The following TSPAN5 variants were observed in gnomAD, a reference collection of about 807,000 sequenced individuals.
TSPAN5 encodes the protein tetraspanin 5.
In TSPAN5, 10 loss-of-function variants were observed where a neutral mutation model predicts 37.1. The ratio of observed to expected loss-of-function variants is 0.27; its 90% CI spans 0.17 to 0.46. The LOEUF is 0.46. TSPAN5 is among the 20% of genes least tolerant of loss of function. The pLI, the probability that TSPAN5 is intolerant of heterozygous loss-of-function variation, is 1.00. For synonymous variants in TSPAN5, 110 were observed against 118.9 expected, an observed-to-expected ratio of 0.93 and a Z score of 0.48; for missense variants, 195 against 326.6, an observed-to-expected ratio of 0.60 and a Z score of 3.11.
chr4:98,579,182 C>T (rs1893713), intron 1 of TSPAN5, among the ~76,000 whole-genome samples: 115,707 of 151,984 alleles, frequency 0.76, 44,327 homozygotes, highest in South Asian at 0.85. Flanking sequence ...CCATCCTCCA[C>T]CCCCAAGAGC....
intron 1 of TSPAN5, among the ~76,000 whole-genome samples, chr4:98,573,311 T>C (rs1018293084): frequency 1.4e-4 from 21 of 152,356 alleles, no homozygotes; most frequent in African/African-American, 5.0e-4. Flanking sequence ...CCTCGTAATA[T>C]GAAGAGAAAA....
At chr4:98,613,869 C>T (rs910194510) in intron 1 of TSPAN5, among the ~76,000 whole-genome samples, 5 of 152,072 alleles carry the variant, frequency 3.3e-5, no homozygotes, top group Admixed American at 2.0e-4. Context: ...GATTCCCCCC[C>T]CAAAATGACT....
At chr4:98,550,728 G>A (rs1308380943) in intron 1 of TSPAN5, among the ~76,000 whole-genome samples, 5 of 151,396 alleles carry the variant, frequency 3.3e-5, no homozygotes, top group Non-Finnish European at 7.4e-5. Flanking sequence ...TGTTAATTTA[G>A]TATCCTGAAA....
chr4:98,475,127 A>T (rs529778334), intron 7 of TSPAN5, among the ~76,000 whole-genome samples: 3 of 152,260 alleles, frequency 2.0e-5, no homozygotes, highest in African/African-American at 7.2e-5. Context: ...TACTTTTGCA[A>T]ATTTGTTTTG....
At chr4:98,519,839 T>C (rs1017684638) in intron 1 of TSPAN5, among the ~76,000 whole-genome samples, 2 of 152,200 alleles carry the variant, frequency 1.3e-5, no homozygotes, top group African/African-American at 4.8e-5. Context: ...GGTTCCACCA[T>C]TACTGGCTGT....
At chr4:98,582,160 G>A (rs9996851) in intron 1 of TSPAN5, among the ~76,000 whole-genome samples, 1 of 152,262 alleles carries the variant, frequency 6.6e-6, no homozygotes, top group African/African-American at 2.4e-5. Flanking sequence ...AAACTGCATA[G>A]CTTTTGCAAG....
At chr4:98,638,627 C>A (rs78953736) in intron 1 of TSPAN5, among the ~76,000 whole-genome samples, 31,749 of 152,094 alleles carry the variant, frequency 0.21, 3,617 homozygotes, top group Middle Eastern at 0.29. Flanking sequence ...AGGGACATGG[C>A]GCTTCCATGC....
At chr4:98,512,775 C>A (rs1478965904) in intron 1 of TSPAN5, among the ~76,000 whole-genome samples, 1 of 152,172 alleles carries the variant, frequency 6.6e-6, no homozygotes. Flanking sequence ...TAATCTGCAA[C>A]AAATATTCTT....
chr4:98,538,066 GCA>G (rs973381649), intron 1 of TSPAN5, among the ~76,000 whole-genome samples: 1 of 152,224 alleles, frequency 6.6e-6, no homozygotes, highest in African/African-American at 2.4e-5. Flanking sequence ...TCACTACTGG[GCA>G]CAGTTTTCCC....
At chr4:98,498,461 T>C (rs1048256340) in intron 2 of TSPAN5, among the ~76,000 whole-genome samples, 4 of 152,166 alleles carry the variant, frequency 2.6e-5, no homozygotes, top group Admixed American at 2.0e-4. Context: ...CACTGATCAC[T>C]ATCTGAAAAC....
At chr4:98,551,694 GT>G (rs1270145545) in intron 1 of TSPAN5, among the ~76,000 whole-genome samples, 1 of 150,138 alleles carries the variant, frequency 6.7e-6, no homozygotes, top group Non-Finnish European at 1.5e-5. Flanking sequence ...TAGAGATGGG[GT>G]TTCACAGTGT....
intron 3 of TSPAN5, 88 bp from the exon 4 acceptor site, chr4:98,482,263 T>A: frequency 8.3e-7 from 1 of 1,203,694 alleles, no homozygotes; most frequent in Non-Finnish European, 1.2e-6. Context: ...AACAGGTTTG[T>A]AATTACATTG....
chr4:98,516,087 G>A (rs1257197022), intron 1 of TSPAN5, among the ~76,000 whole-genome samples: 1 of 152,254 alleles, frequency 6.6e-6, no homozygotes, highest in East Asian at 1.9e-4. Flanking sequence ...TCAGAAGAAC[G>A]TGGGATACAA....
At chr4:98,606,433 T>C (rs545112056) in intron 1 of TSPAN5, among the ~76,000 whole-genome samples, 2 of 152,332 alleles carry the variant, frequency 1.3e-5, no homozygotes, top group Non-Finnish European at 2.9e-5. Context: ...GAAACATCTT[T>C]CCACACTACA....
chr4:98,637,914 C>T (rs1756890413), intron 1 of TSPAN5, among the ~76,000 whole-genome samples: 1 of 152,148 alleles, frequency 6.6e-6, no homozygotes, highest in Non-Finnish European at 1.5e-5. Context: ...TCCAACAGTG[C>T]TGAAAGGTGA....
Position 98,585,324 on chromosome 4 carries a change from T to G in TSPAN5, c.81+72822A>C, listed in dbSNP as rs846009. ...TCTATTATTCCACTCTCTCTCTTTT[T>G]TTTTTGAGGCAGTCTTGCTCTGTCA... On this transcript the variant is annotated intron_variant, in intron 1 of 7. Transcript: ENST00000305798. 1.6e-3 allele frequency among the ~76,000 whole-genome samples: 249 copies of G among 152,200 alleles called. 8 individuals are homozygous for G. The East Asian group carries it at 0.047, about 29-fold the overall frequency.
intron 1 of TSPAN5, among the ~76,000 whole-genome samples, chr4:98,627,033 T>C (rs1266447821): frequency 1.3e-5 from 2 of 152,072 alleles, no homozygotes; most frequent in Non-Finnish European, 2.9e-5. Flanking sequence ...AATGAAGCAT[T>C]GTAAGAGAGA....
At chr4:98,544,716 C>T (rs748406690) in intron 1 of TSPAN5, among the ~76,000 whole-genome samples, 9 of 151,986 alleles carry the variant, frequency 5.9e-5, no homozygotes, top group African/African-American at 1.7e-4. Context: ...AATACAAAGA[C>T]GGGGTGGCTA....
At chr4:98,587,902 C>A (rs892773892) in intron 1 of TSPAN5, among the ~76,000 whole-genome samples, 2 of 151,782 alleles carry the variant, frequency 1.3e-5, no homozygotes, top group African/African-American at 4.8e-5. Flanking sequence ...ACAGCAACAA[C>A]AACAACAACA....
Sources: gnomAD v4.1 joint callset for allele counts (sites outside exome capture counted in the v4.1 genomes callset) on GRCh38, gnomAD v4.1.1 for gene constraint, MANE v1.5 for transcripts, NCBI Gene and HGNC (gene_info 2026-07-23, HGNC 2026-07-21) for gene names.